Variants in TRPC5 observed in about 807,000 individuals in gnomAD.
TRPC5 encodes short transient receptor potential channel 5.
Under a neutral mutation model 56.5 loss-of-function variants are expected in TRPC5, and 9 were observed. That is an observed-to-expected ratio of 0.16 (90% CI 0.10 to 0.28). TRPC5 has a LOEUF of 0.28. Among genes scored for constraint, TRPC5 ranks in the 10% least tolerant of loss-of-function variants. The pLI is 1.00. For synonymous variants in TRPC5, 282 were observed against 278.5 expected, an observed-to-expected ratio of 1.01 and a Z score of -0.13; for missense variants, 469 against 748.9, an observed-to-expected ratio of 0.63 and a Z score of 4.36.
At chrX:111,918,113 AAGAGATGAGG>A (rs1192600165) in intron 2 of TRPC5, among the ~76,000 whole-genome samples, 3 of 110,948 alleles carry the variant, frequency 2.7e-5, no homozygotes, top group Non-Finnish European at 5.7e-5. Context: ...AGGGTGCCTG[AAGAGATGAGG>A]AGAGATGAGG....
chrX:111,938,858 G>A (rs905031328), intron 2 of TRPC5, among the ~76,000 whole-genome samples: 1 of 111,979 alleles, frequency 8.9e-6, no homozygotes, highest in Admixed American at 9.5e-5. Flanking sequence ...CTGCAAATAA[G>A]GATAATTTGA....
chrX:111,950,653 C>A (rs1364682080), intron 2 of TRPC5, among the ~76,000 whole-genome samples: 1 of 112,047 alleles, frequency 8.9e-6, no homozygotes, highest in African/African-American at 3.2e-5. Flanking sequence ...CTGCAATAAT[C>A]TATGGAAATT....
At chrX:112,077,791 G>A (rs1930868623) in intron 1 of TRPC5, among the ~76,000 whole-genome samples, 1 of 112,084 alleles carries the variant, frequency 8.9e-6, no homozygotes, top group African/African-American at 3.2e-5. Flanking sequence ...AAAGAATGGG[G>A]GAAGGTAAGA....
intron 1 of TRPC5, among the ~76,000 whole-genome samples, chrX:111,965,967 G>A (rs375249694): frequency 1.2e-4 from 13 of 111,427 alleles, no homozygotes; most frequent in Non-Finnish European, 2.1e-4. Context: ...AAGGCAAGAA[G>A]TAACTAAAAT....
At chrX:111,951,382 T>C (rs1485177002) in intron 2 of TRPC5, among the ~76,000 whole-genome samples, 1 of 111,581 alleles carries the variant, frequency 9.0e-6, no homozygotes, top group Non-Finnish European at 1.9e-5. Flanking sequence ...AGAGAAAGTA[T>C]ATGAAAGATA....
At chrX:112,039,516 A>C (rs770658904) in intron 1 of TRPC5, among the ~76,000 whole-genome samples, 1 of 112,240 alleles carries the variant, frequency 8.9e-6, no homozygotes, top group Non-Finnish European at 1.9e-5. Flanking sequence ...TGAACATTGC[A>C]ATAGAGATGA....
intron 1 of TRPC5, among the ~76,000 whole-genome samples, chrX:111,974,445 G>GA (rs970511049): frequency 2.2e-4 from 24 of 107,092 alleles, no homozygotes; most frequent in African/African-American, 3.0e-4. Flanking sequence ...AGAACACTAG[G>GA]AAAAAAAAAA....
intron 1 of TRPC5, among the ~76,000 whole-genome samples, chrX:111,997,778 G>A (rs773329291): frequency 1.5e-3 from 162 of 109,927 alleles, no homozygotes; most frequent in Non-Finnish European, 2.3e-3. Flanking sequence ...CCACTTGATC[G>A]AATCGGATAT....
intron 1 of TRPC5, among the ~76,000 whole-genome samples, chrX:112,028,177 A>G (rs1199833077): frequency 5.3e-5 from 6 of 112,491 alleles, no homozygotes; most frequent in East Asian, 2.8e-4. Flanking sequence ...CTCAAGTTCA[A>G]AGATCCTTAT....
At chrX:111,975,959 A>G (rs1194060905) in intron 1 of TRPC5, among the ~76,000 whole-genome samples, 1 of 112,450 alleles carries the variant, frequency 8.9e-6, no homozygotes, top group Non-Finnish European at 1.9e-5. Flanking sequence ...ATCATGTTAC[A>G]TGATGAAGTA....
rs1289649179 is a variant in TRPC5, at chrX:111,772,421, A to ATTTTTCT, written c.*3885_*3891dup. 9.0e-6 allele frequency among the ~76,000 whole-genome samples: 1 copy of ATTTTTCT among 111,112 alleles called. No individual in the cohort carries two copies. Among genetic ancestry groups the ATTTTTCT allele is most frequent in the Non-Finnish European group, 1.9e-5 (1 of 53,026 alleles). The stretch of plus-strand genomic sequence containing the variant: ...CTTGATTACCAAGAAAATATACTCA[A>ATTTTTCT]TTTTTCTTAGGTACCTTTATTTATT... On this transcript the variant is annotated 3_prime_UTR_variant, in exon 11 of 11. Coordinates refer to ENST00000262839, the MANE Select transcript of TRPC5 (RefSeq NM_012471.3).
intron 1 of TRPC5, among the ~76,000 whole-genome samples, chrX:112,056,211 A>G: frequency 9.0e-6 from 1 of 111,654 alleles, no homozygotes; most frequent in Middle Eastern, 4.6e-3. Context: ...CCATCAGTGG[A>G]CACTCTCATG....
chrX:112,079,591 G>A (rs1414391852), intron 1 of TRPC5, among the ~76,000 whole-genome samples: 1 of 111,891 alleles, frequency 8.9e-6, no homozygotes, highest in Admixed American at 9.5e-5. Context: ...AAACATCTTC[G>A]GTTCTCTCAT....
intron 1 of TRPC5, among the ~76,000 whole-genome samples, chrX:112,017,652 C>T (rs1474442548): frequency 9.0e-6 from 1 of 110,929 alleles, no homozygotes; most frequent in Non-Finnish European, 1.9e-5. Context: ...GACCTTGGGG[C>T]GCTGGGCCTT....
chrX:111,876,910 T>A (rs1923975309), intron 3 of TRPC5, among the ~76,000 whole-genome samples: 2 of 111,753 alleles, frequency 1.8e-5, no homozygotes, highest in Non-Finnish European at 3.8e-5. Context: ...ATAACAACAT[T>A]TCTTAGGTGT....
At chrX:111,827,145 G>C (rs1799670751) in intron 7 of TRPC5, among the ~76,000 whole-genome samples, 1 of 111,501 alleles carries the variant, frequency 9.0e-6, no homozygotes, top group African/African-American at 3.3e-5. Context: ...ATAGCACATT[G>C]TCTTGATTTT....
chrX:111,782,614 A>G (rs1041881032), intron 7 of TRPC5, among the ~76,000 whole-genome samples: 4 of 111,490 alleles, frequency 3.6e-5, no homozygotes, highest in Non-Finnish European at 7.5e-5. Context: ...ACATGCTTAC[A>G]TGTTCTAGAC....
intron 7 of TRPC5, among the ~76,000 whole-genome samples, chrX:111,816,550 T>A (rs1371176626): frequency 8.9e-6 from 1 of 112,004 alleles, no homozygotes; most frequent in African/African-American, 3.2e-5. Context: ...GAATGAAATT[T>A]GGGCAGTTTT....
At chrX:111,958,535 G>A (rs1028944952) in intron 1 of TRPC5, among the ~76,000 whole-genome samples, 1 of 112,021 alleles carries the variant, frequency 8.9e-6, no homozygotes, top group African/African-American at 3.2e-5. Context: ...ATGGGAGAAT[G>A]CTCTGTTGGC....
Sources: allele counts gnomAD v4.1 joint callset (sites outside exome capture counted in the v4.1 genomes callset), GRCh38; gene constraint gnomAD v4.1.1; transcripts MANE v1.5; gene names NCBI Gene and HGNC (gene_info 2026-07-23, HGNC 2026-07-21).